DOCK7: variants seen among roughly 807,000 people sequenced by gnomAD.
The protein encoded by DOCK7 is dedicator of cytokinesis 7.
Under a neutral mutation model 271.0 loss-of-function variants are expected in DOCK7, and 138 were observed. That is an observed-to-expected ratio of 0.51 (90% CI 0.44 to 0.59). The LOEUF (loss-of-function observed/expected upper bound fraction) is 0.59. DOCK7 is among the 20% of genes least tolerant of loss of function. The probability of loss-of-function intolerance (pLI) is 0.00; values close to 1 mark genes in which losing one functional copy is unlikely to be tolerated. For missense variants in DOCK7, 2,066 were observed against 2,592.4 expected (o/e 0.80, Z 4.41); for synonymous variants, 823 against 876.1 (o/e 0.94, Z 1.07).
rs537937763 is a variant in DOCK7 at position 62,518,048 on chromosome 1, CAT to C, written c.3937-4152_3937-4151del. ...TATCAACATAAATGACTCTTACAAA[CAT>C]ATACAAAAAAATCAAGTCATAGAAG... On this transcript the variant is annotated intron_variant, in intron 31 of 49. Coordinates refer to ENST00000635253, the MANE Select transcript of DOCK7 (RefSeq NM_001367561.1). 1.8e-4 allele frequency among the ~76,000 whole-genome samples: 27 copies of C among 152,220 alleles called. 1 individual carries two copies. The East Asian group carries it at 5.2e-3, about 29-fold the overall frequency.
chr1:62,513,357 CT>C, intron 33 of DOCK7, 86 bp downstream of exon 33: 1 of 1,216,206 alleles, frequency 8.2e-7, no homozygotes, highest in Non-Finnish European at 1.1e-6. Flanking sequence ...ACTTAAAACA[CT>C]TTTTAAAAAG....
intron 35 of DOCK7, among the ~76,000 whole-genome samples, chr1:62,506,517 C>T (rs1187308679): frequency 6.6e-6 from 1 of 151,622 alleles, no homozygotes; most frequent in African/African-American, 2.4e-5. Context: ...GTCACCCAGG[C>T]TGAAGTGCAG....
At chr1:62,643,867 T>A (rs1255893318) in intron 7 of DOCK7, among the ~76,000 whole-genome samples, 1 of 152,068 alleles carries the variant, frequency 6.6e-6, no homozygotes, top group East Asian at 1.9e-4. Context: ...TTTTATCTAA[T>A]CTACGTTGAG....
rs951359595 is a variant in DOCK7, at chr1:62,513,256, G to A, written c.4282+188C>T. 6.0e-5 allele frequency among the ~76,000 whole-genome samples: 2 copies of A among 33,340 alleles called. 1 individual carries two copies. The highest frequency in any genetic ancestry group is 1.9e-4 in the African/African-American group (2 of 10,510). The allele number at this position is 33,340 out of a possible 152,430, so 21.9% of individuals were successfully genotyped here. A position where few individuals can be genotyped will look rare whatever the true frequency, so the allele number is the denominator to read the frequency against. The stretch of plus-strand genomic sequence containing the variant: ...AGAGAAGACTTTCTAGAGAAAACGG[G>A]GGGGGGGGGGCGGTATGCTGACTCA... On this transcript the variant is annotated intron_variant, in intron 33 of 49. Coordinates refer to ENST00000635253, the MANE Select transcript of DOCK7 (RefSeq NM_001367561.1).
intron 37 of DOCK7, among the ~76,000 whole-genome samples, chr1:62,499,710 C>T (rs1412766562): frequency 6.7e-6 from 1 of 150,352 alleles, no homozygotes; most frequent in African/African-American, 2.4e-5. Flanking sequence ...CCTGTTTCTA[C>T]AAGAAAAAAA....
At chr1:62,677,524 G>C (rs1660667068) in intron 1 of DOCK7, among the ~76,000 whole-genome samples, 1 of 151,726 alleles carries the variant, frequency 6.6e-6, no homozygotes, top group Non-Finnish European at 1.5e-5. Context: ...AAAATAATCT[G>C]ATCTGTCACT....
chr1:62,549,909 G>C (rs1032644765), intron 22 of DOCK7, among the ~76,000 whole-genome samples: 1 of 152,062 alleles, frequency 6.6e-6, no homozygotes, highest in Non-Finnish European at 1.5e-5. Flanking sequence ...CTACAAATAA[G>C]TGAGAACATG....
chr1:62,656,054 GA>G (rs1657983855), intron 2 of DOCK7, among the ~76,000 whole-genome samples: 2 of 152,000 alleles, frequency 1.3e-5, no homozygotes, highest in Admixed American at 6.6e-5. Context: ...ATTATTCTAT[GA>G]TGTTCTTAAC....
chr1:62,639,460 A>C (rs904964534), intron 7 of DOCK7, among the ~76,000 whole-genome samples: 5 of 94,882 alleles, frequency 5.3e-5, no homozygotes, highest in Non-Finnish European at 9.2e-5. Context: ...TTTGAGATGG[A>C]GTCTCGCTCT....
intron 13 of DOCK7, 142 bp from the exon 14 acceptor site, chr1:62,619,010 A>C (rs1652806229): frequency 5.6e-4 from 367 of 654,798 alleles, no homozygotes; most frequent in East Asian, 6.7e-4. Context: ...TTATCATCTC[A>C]TGCCTCTAAA....
intron 14 of DOCK7, chr1:62,598,038 C>T (rs1649542440): frequency 3.2e-6 from 5 of 1,584,796 alleles, no homozygotes; most frequent in Middle Eastern, 1.7e-4. Flanking sequence ...AACTCCAGAA[C>T]ACCCAGAAGT....
intron 14 of DOCK7, among the ~76,000 whole-genome samples, chr1:62,613,303 T>C (rs1268107037): frequency 1.3e-5 from 2 of 152,206 alleles, no homozygotes; most frequent in Non-Finnish European, 2.9e-5. Flanking sequence ...CATTTTCTGA[T>C]TGTTAGAAAC....
chr1:62,680,890 T>A (rs1248618347), intron 1 of DOCK7, among the ~76,000 whole-genome samples: 1 of 152,076 alleles, frequency 6.6e-6, no homozygotes, highest in African/African-American at 2.4e-5. Flanking sequence ...AAACAACAGG[T>A]GCTGGAGAGG....
chr1:62,550,391 G>A (rs1645857396), intron 22 of DOCK7, among the ~76,000 whole-genome samples: 1 of 152,148 alleles, frequency 6.6e-6, no homozygotes, highest in African/African-American at 2.4e-5. Context: ...TTCTTCTGAT[G>A]GTTTCAGTTG....
chr1:62,584,987 T>C (rs1647327917), intron 15 of DOCK7: 1 of 541,416 alleles, frequency 1.8e-6, no homozygotes. Flanking sequence ...CAAATTCATA[T>C]GGCAACTCAC....
At chr1:62,506,257 C>T (rs1646932593) in intron 35 of DOCK7, among the ~76,000 whole-genome samples, 1 of 151,982 alleles carries the variant, frequency 6.6e-6, no homozygotes, top group Non-Finnish European at 1.5e-5. Context: ...GACTTTGAAT[C>T]CGGCTACAGA....
intron 33 of DOCK7, 87 bp downstream of exon 33, chr1:62,513,357 C>A (rs1644555658): frequency 8.2e-7 from 1 of 1,216,130 alleles, no homozygotes; most frequent in Non-Finnish European, 1.1e-6. Flanking sequence ...ACTTAAAACA[C>A]TTTTTAAAAA....
intron 23 of DOCK7, among the ~76,000 whole-genome samples, chr1:62,544,624 T>C (rs1050928966): frequency 6.6e-6 from 1 of 152,092 alleles, no homozygotes; most frequent in Non-Finnish European, 1.5e-5. Flanking sequence ...GTAAAAAATT[T>C]AAAAATTGCT....
chr1:62,671,519 AAG>A (rs1469047844), intron 1 of DOCK7, among the ~76,000 whole-genome samples: 1 of 152,168 alleles, frequency 6.6e-6, no homozygotes, highest in Admixed American at 6.5e-5. Flanking sequence ...GAGAGAGGAA[AAG>A]AGAGAGATAC....
Sources: allele counts gnomAD v4.1 joint callset (sites outside exome capture counted in the v4.1 genomes callset), GRCh38; gene constraint gnomAD v4.1.1; transcripts MANE v1.5; gene names NCBI Gene and HGNC (gene_info 2026-07-23, HGNC 2026-07-21).